The following VRK1 variants were observed in gnomAD, a reference collection of about 807,000 sequenced individuals.
VRK1 encodes the protein VRK serine/threonine kinase 1.
VRK1 carries 33 observed loss-of-function variants against 57.1 expected under a neutral mutation model. The observed-to-expected ratio is 0.58, with a 90% CI of 0.44 to 0.77. VRK1 has a LOEUF of 0.77. Among genes scored for constraint, VRK1 ranks in the 30% least tolerant of loss-of-function variants. VRK1 has a pLI of 0.00. For synonymous variants in VRK1, 137 were observed against 147.8 expected (o/e 0.93, Z 0.53); for missense variants, 413 against 477.3 (o/e 0.87, Z 1.25).
In VRK1 at chr14:96,833,642, G is replaced by T. The variant is rs1203184250; in HGVS notation, c.160+11G>T. The T allele has an allele frequency of 6.2e-7, 1 of 1,613,366 alleles. No individual in the cohort carries two copies. Among genetic ancestry groups the T allele is most frequent in the Non-Finnish European group, 8.5e-7 (1 of 1,179,486 alleles). ...GCTGTATATATCTTGGTAAGTGTGTGACTGCTTCTAATGATCAATCCAAAG... is the reference window on the plus strand; with the variant it reads ...GCTGTATATATCTTGGTAAGTGTGTTACTGCTTCTAATGATCAATCCAAAG... On this transcript the variant is annotated intron_variant, in intron 2 of 12. Transcript: ENST00000216639.
Position 96,822,092 on chromosome 14 carries a change from T to C in VRK1, c.-5-11375T>C, listed in dbSNP as rs1296252304. Among the ~76,000 whole-genome samples, 7 of 152,070 alleles carry C rather than the reference T, an allele frequency of 4.6e-5. No homozygotes were observed. The South Asian group carries it at 1.2e-3, about 27-fold the overall frequency. ...TCCCTGTCCCTGCCTTTTTTTTTTT[T>C]TCCTTAGCCCTTATACCATTGGACA... is the stretch of plus-strand genomic sequence containing the variant. On this transcript the variant is annotated intron_variant, in intron 1 of 12. Coordinates refer to ENST00000216639, the MANE Select transcript of VRK1 (RefSeq NM_003384.3).
intron 11 of VRK1, among the ~76,000 whole-genome samples, chr14:96,873,918 C>T (rs994248591): frequency 2.0e-5 from 3 of 152,160 alleles, no homozygotes; most frequent in Non-Finnish European, 2.9e-5. Context: ...GAGTGCTTTA[C>T]GTAATGCATA....
intron 7 of VRK1, among the ~76,000 whole-genome samples, chr14:96,854,374 A>G (rs532444785): frequency 6.6e-6 from 1 of 152,284 alleles, no homozygotes; most frequent in South Asian, 2.1e-4. Context: ...TCCTTCAGAC[A>G]TATGCTTTGG....
chr14:96,862,625 CAG>C (rs1453766124), intron 11 of VRK1, among the ~76,000 whole-genome samples: 1 of 149,838 alleles, frequency 6.7e-6, no homozygotes, highest in East Asian at 2.0e-4. Context: ...TCACTGAAAA[CAG>C]ATAAAAGCAG....
At chr14:96,851,553 C>T (rs906136833) in intron 5 of VRK1, among the ~76,000 whole-genome samples, 6 of 152,232 alleles carry the variant, frequency 3.9e-5, no homozygotes, top group African/African-American at 1.2e-4. Context: ...TCTTCCAGTT[C>T]AAAAATGAAT....
chr14:96,826,726 A>G (rs1886812805), intron 1 of VRK1, among the ~76,000 whole-genome samples: 1 of 152,230 alleles, frequency 6.6e-6, no homozygotes, highest in Non-Finnish European at 1.5e-5. Flanking sequence ...TTTAATTCTA[A>G]TTAGTATTTT....
intron 1 of VRK1, among the ~76,000 whole-genome samples, chr14:96,820,841 A>C (rs1421053077): frequency 6.6e-6 from 1 of 152,172 alleles, no homozygotes; most frequent in Non-Finnish European, 1.5e-5. Flanking sequence ...TAGATGATGG[A>C]TCGTTAGGCA....
intron 8 of VRK1, 116 bp from the exon 9 acceptor site, chr14:96,856,014 A>G: frequency 2.3e-6 from 3 of 1,279,712 alleles, no homozygotes; most frequent in East Asian, 2.6e-5. Context: ...TCAAAATTTT[A>G]TGATGAAAAA....
At chr14:96,863,716 T>A (rs1271768262) in intron 11 of VRK1, among the ~76,000 whole-genome samples, 3 of 152,192 alleles carry the variant, frequency 2.0e-5, no homozygotes, top group East Asian at 3.8e-4. Flanking sequence ...CTCCTAATTT[T>A]AAAATTTTAA....
At chr14:96,807,915 G>A (rs1284904342) in intron 1 of VRK1, among the ~76,000 whole-genome samples, 4 of 151,962 alleles carry the variant, frequency 2.6e-5, no homozygotes, top group African/African-American at 7.3e-5. Flanking sequence ...AGAGAAAGAA[G>A]TCACTCTCTC....
At chr14:96,809,097 C>A (rs1263387951) in intron 1 of VRK1, among the ~76,000 whole-genome samples, 1 of 151,636 alleles carries the variant, frequency 6.6e-6, no homozygotes. Context: ...GTCTAGAAGA[C>A]TGGGATCATC....
chr14:96,872,527 T>C (rs1888863468), intron 11 of VRK1, among the ~76,000 whole-genome samples: 1 of 151,976 alleles, frequency 6.6e-6, no homozygotes, highest in South Asian at 2.1e-4. Context: ...TGGAAAAAAA[T>C]ACATTAAGAA....
At chr14:96,815,164 A>G (rs1357813572) in intron 1 of VRK1, among the ~76,000 whole-genome samples, 5 of 152,188 alleles carry the variant, frequency 3.3e-5, no homozygotes. Context: ...GACTAATGTG[A>G]TAACTAAAAA....
rs571669289 is a variant in VRK1 at position 96,807,955 on chromosome 14, G to A, written c.-6+10508G>A. 7.0e-3 allele frequency among the ~76,000 whole-genome samples: 893 copies of A among 128,302 alleles called. 6 individuals are homozygous for A. The highest frequency in any genetic ancestry group is 0.011 in the Non-Finnish European group (676 of 60,622). 84.2% of individuals were successfully genotyped at this position (128,302 alleles called of 152,430 possible). On this transcript the variant is annotated intron_variant, in intron 1 of 12. Transcript: ENST00000216639. ...TCTCTCTTTCTCTGTCTCTCTCTCTGTCTCTCCCTCCCTCTCTCTCTGTCT... is the reference window on the plus strand; with the variant it reads ...TCTCTCTTTCTCTGTCTCTCTCTCTATCTCTCCCTCCCTCTCTCTCTGTCT...
At chr14:96,862,668 C>T (rs890315925) in intron 11 of VRK1, among the ~76,000 whole-genome samples, 3 of 151,956 alleles carry the variant, frequency 2.0e-5, no homozygotes, top group African/African-American at 7.2e-5. Context: ...TGGGGGCTCC[C>T]TGCAATGAAA....
intron 1 of VRK1, among the ~76,000 whole-genome samples, chr14:96,826,187 CT>C (rs56867899): frequency 1.3e-5 from 2 of 152,054 alleles, no homozygotes; most frequent in African/African-American, 4.8e-5. Flanking sequence ...CATAGCAGAA[CT>C]TTTTTTGGAA....
chr14:96,848,264 A>G (rs2139784864), intron 5 of VRK1, among the ~76,000 whole-genome samples: 1 of 152,244 alleles, frequency 6.6e-6, no homozygotes, highest in South Asian at 2.1e-4. Flanking sequence ...AGGGCAGAAA[A>G]TGGTATCTAT....
chr14:96,880,342 T>C (rs1283641862), intron 12 of VRK1, among the ~76,000 whole-genome samples: 1 of 152,220 alleles, frequency 6.6e-6, no homozygotes, highest in African/African-American at 2.4e-5. Context: ...ATTGATTAAT[T>C]ATGAGCACCA....
intron 1 of VRK1, among the ~76,000 whole-genome samples, chr14:96,807,694 C>A (rs1208893842): frequency 6.6e-6 from 1 of 152,152 alleles, no homozygotes; most frequent in Non-Finnish European, 1.5e-5. Context: ...CTGCATCTAT[C>A]TAAGCTATGT....
Sources: gnomAD v4.1 joint callset for allele counts (sites outside exome capture counted in the v4.1 genomes callset) on GRCh38, gnomAD v4.1.1 for gene constraint, MANE v1.5 for transcripts, NCBI Gene and HGNC (gene_info 2026-07-23, HGNC 2026-07-21) for gene names.